Variants in WDR47 observed in about 807,000 individuals in gnomAD.
WDR47 encodes the protein WD repeat domain 47.
Under a neutral mutation model 97.2 loss-of-function variants are expected in WDR47, and 32 were observed. That is an observed-to-expected ratio of 0.33 (90% CI 0.25 to 0.44). The LOEUF (loss-of-function observed/expected upper bound fraction) is 0.44. Ranked by LOEUF, WDR47 falls within the 20% of genes least tolerant of loss-of-function variation. The pLI, the probability that WDR47 is intolerant of heterozygous loss-of-function variation, is 1.00. For missense variants in WDR47, 782 were observed against 1,102.3 expected (o/e 0.71, Z 4.11); for synonymous variants, 375 against 373.5 (o/e 1.00, Z -0.05).
At chr1:109,024,781 A>AT (rs1662085331) in intron 1 of WDR47, 1 of 152,328 alleles carries the variant, frequency 6.6e-6, no homozygotes, top group South Asian at 2.1e-4. Context: ...GACTATAAGC[A>AT]TATCTTTCTC....
At chr1:109,021,231 T>TTCC (rs1167407548) in intron 2 of WDR47, among the ~76,000 whole-genome samples, 1 of 152,118 alleles carries the variant, frequency 6.6e-6, no homozygotes, top group Non-Finnish European at 1.5e-5. Flanking sequence ...TAATCCAATA[T>TTCC]ATAGAAAAAG....
chr1:109,001,298 T>A (rs147244732), intron 7 of WDR47, among the ~76,000 whole-genome samples: 1 of 151,776 alleles, frequency 6.6e-6, no homozygotes, highest in South Asian at 2.1e-4. Flanking sequence ...CAAGAATGAA[T>A]AAATCAATAA....
chr1:109,032,382 C>T (rs140235607), intron 1 of WDR47, among the ~76,000 whole-genome samples: 3,880 of 135,012 alleles, frequency 0.029, 683 homozygotes, highest in South Asian at 0.062. Flanking sequence ...GTGACGGGCG[C>T]CTGTAGTCCC....
At chr1:109,024,781 A>G (rs988405682) in intron 1 of WDR47, 3 of 152,328 alleles carry the variant, frequency 2.0e-5, no homozygotes, top group Non-Finnish European at 2.9e-5. Context: ...GACTATAAGC[A>G]TATCTTTCTC....
chr1:109,001,532 G>A (rs919539639), intron 7 of WDR47, among the ~76,000 whole-genome samples: 3 of 152,148 alleles, frequency 2.0e-5, no homozygotes, highest in East Asian at 1.9e-4. Flanking sequence ...ACTGTTCTCA[G>A]CACTTTACAA....
chr1:109,027,758 G>T (rs490295), intron 1 of WDR47, among the ~76,000 whole-genome samples: 2 of 151,664 alleles, frequency 1.3e-5, no homozygotes, highest in Non-Finnish European at 2.9e-5. Context: ...TCCTGACCTC[G>T]TGATCCACCC....
In WDR47 at chr1:108,970,628, A is replaced by AT. The variant is rs1657380200; in HGVS notation, c.*801dup. The AT allele has an allele frequency of 6.6e-6, 1 of 152,648 alleles. No individual in the cohort carries two copies. Among genetic ancestry groups the AT allele is most frequent in the African/African-American group, 2.4e-5 (1 of 41,456 alleles). 9.5% of individuals were successfully genotyped at this position (152,648 alleles called of 1,614,324 possible). A position where few individuals can be genotyped will look rare whatever the true frequency, so the allele number is the denominator to read the frequency against. ...TTTTTAAGGAGAAAAATGCCAGTAA[A>AT]TTTACTGTACCATCAAGTGTTGCAT... is the stretch of plus-strand genomic sequence containing the variant. On this transcript the variant is annotated 3_prime_UTR_variant, in exon 15 of 15. Transcript: ENST00000369962.
At chr1:108,996,822 G>A (rs748100418) in intron 7 of WDR47, among the ~76,000 whole-genome samples, 32 of 152,144 alleles carry the variant, frequency 2.1e-4, no homozygotes, top group Non-Finnish European at 3.1e-4. Flanking sequence ...GCTCTTTTAA[G>A]ATTTAGACTC....
At chr1:108,986,843 A>G in intron 9 of WDR47, 163 bp from the exon 10 acceptor site, 4 of 605,028 alleles carry the variant, frequency 6.6e-6, no homozygotes, top group Non-Finnish European at 8.2e-6. Flanking sequence ...TTCTTACTTT[A>G]TTAAATCTTA....
intron 5 of WDR47, among the ~76,000 whole-genome samples, chr1:109,008,291 G>C (rs1429614298): frequency 2.6e-5 from 4 of 151,468 alleles, no homozygotes; most frequent in Admixed American, 1.3e-4. Context: ...TTTGGAGTGA[G>C]ATGGAGTCTT....
At chr1:109,026,475 C>T (rs1662224602) in intron 1 of WDR47, among the ~76,000 whole-genome samples, 2 of 151,938 alleles carry the variant, frequency 1.3e-5, no homozygotes, top group East Asian at 3.9e-4. Context: ...AATCTTTAGA[C>T]AATTCTTTTT....
chr1:109,009,776 T>TCAGCTGAGATCAGGAGTTCATGAC (rs1660894956), intron 5 of WDR47, among the ~76,000 whole-genome samples: 1 of 152,048 alleles, frequency 6.6e-6, no homozygotes, highest in Non-Finnish European at 1.5e-5. Flanking sequence ...GGCGGGTGGA[T>TCAGCTGAGATCAGGAGTTCATGAC]CAGCTGAGAT....
At chr1:109,012,572 CAA>C (rs57237933) in intron 4 of WDR47, among the ~76,000 whole-genome samples, 28 of 73,846 alleles carry the variant, frequency 3.8e-4, no homozygotes, top group Middle Eastern at 8.6e-3. Context: ...GACTCCATCT[CAA>C]AAAAAAAAAA....
chr1:109,010,123 C>T (rs942424488), intron 5 of WDR47, among the ~76,000 whole-genome samples: 1 of 152,270 alleles, frequency 6.6e-6, no homozygotes, highest in Admixed American at 6.5e-5. Flanking sequence ...ATTTTCTTCA[C>T]AGCACATGTA....
intron 1 of WDR47, among the ~76,000 whole-genome samples, chr1:109,029,136 T>C (rs1010135900): frequency 4.6e-5 from 7 of 152,210 alleles, no homozygotes; most frequent in African/African-American, 1.7e-4. Flanking sequence ...TCCTATTGAT[T>C]ACCATCTTAG....
At position 109,017,519 on chromosome 1, in the gene WDR47, T is replaced by C. The variant is rs1397493993; in HGVS notation, c.241A>G (p.Arg81Gly). 3 of 1,607,818 alleles carry C rather than the reference T, an allele frequency of 1.9e-6. No individual in the cohort carries two copies. The highest frequency in any genetic ancestry group is 2.2e-5 in the South Asian group (2 of 89,958). The change falls in exon 3 of 15, where the codon AGG becomes GGG. Residue 81 changes from arginine to glycine, a missense_variant and splice_region_variant. Physicochemically the swap from Arg to Gly is moderately radical, Grantham distance 125. Transcript: ENST00000369962. ...LECMEKFDKKRFRYIILKQKF... is the reference protein window; with the variant it reads ...LECMEKFDKKGFRYIILKQKF... ...TAAAAACTTTAGATAAAATCTTACCTTTTTTTGTCAAATTTTTCCATACAT... is the reference window on the plus strand; with the variant it reads ...TAAAAACTTTAGATAAAATCTTACCCTTTTTTGTCAAATTTTTCCATACAT...
At chr1:109,025,032 G>A (rs1261176511) in intron 1 of WDR47, 1 of 152,164 alleles carries the variant, frequency 6.6e-6, no homozygotes, top group South Asian at 2.1e-4. Flanking sequence ...AGGCCCACAG[G>A]TTAGTGTTGT....
At chr1:109,001,456 AG>A (rs1246991923) in intron 7 of WDR47, among the ~76,000 whole-genome samples, 1 of 152,240 alleles carries the variant, frequency 6.6e-6, no homozygotes, top group Non-Finnish European at 1.5e-5. Context: ...AAAAATCTGT[AG>A]GTTTAAGCAC....
intron 1 of WDR47, among the ~76,000 whole-genome samples, chr1:109,032,300 A>G (rs1662655373): frequency 7.4e-6 from 1 of 135,202 alleles, no homozygotes; most frequent in Admixed American, 8.1e-5. Context: ...TCTCGAGGTC[A>G]GATCGAGACC....
Sources: allele counts gnomAD v4.1 joint callset (sites outside exome capture counted in the v4.1 genomes callset), GRCh38; gene constraint gnomAD v4.1.1; transcripts MANE v1.5; gene names NCBI Gene and HGNC (gene_info 2026-07-23, HGNC 2026-07-21).